CCPG1: variants seen among roughly 807,000 people sequenced by gnomAD.
CCPG1 encodes cell cycle progression protein 1.
A neutral mutation model predicts 81.3 loss-of-function variants in CCPG1; 46 were observed. The ratio of observed to expected loss-of-function variants is 0.57; its 90% CI spans 0.45 to 0.72. The LOEUF (loss-of-function observed/expected upper bound fraction) is 0.72, where lower values mean the gene tolerates loss of function less well. CCPG1 is among the 30% of genes least tolerant of loss of function. CCPG1 has a pLI of 0.00. For synonymous variants in CCPG1, 330 were observed against 305.2 expected, an observed-to-expected ratio of 1.08 and a Z score of -0.85; for missense variants, 902 against 937.6, an observed-to-expected ratio of 0.96 and a Z score of 0.50.
At chr15:55,369,286 A>G (rs980499807) in intron 6 of CCPG1, among the ~76,000 whole-genome samples, 2 of 152,146 alleles carry the variant, frequency 1.3e-5, no homozygotes, top group African/African-American at 4.8e-5. Context: ...CTGTAATCCC[A>G]GCACTTTGGG....
At chr15:55,397,805 T>G (rs1209956795) in intron 1 of CCPG1, among the ~76,000 whole-genome samples, 1 of 152,132 alleles carries the variant, frequency 6.6e-6, no homozygotes, top group African/African-American at 2.4e-5. Flanking sequence ...GGTGAAACCC[T>G]GTCTCTATTA....
At position 55,359,831 on chromosome 15, in the gene CCPG1, C is replaced by T; in HGVS notation, c.1942G>A (p.Val648Met). Residue 648 changes from valine (V) to methionine (M), a missense_variant, in exon 8 of 9, where the codon GTG becomes ATG. Val to Met is a conservative substitution (Grantham distance 21, BLOSUM62 1). Transcript: ENST00000442196. Reference protein sequence around the residue: ...QESMSLFNTVVNPIRMDEFRQ... With the variant: ...QESMSLFNTVMNPIRMDEFRQ... Reference sequence around the variant, plus strand: ...AATTCATCCATCCTTATAGGATTCACCACTGTGTTAAAAAGGCTCATGGAC... The same window carrying T: ...AATTCATCCATCCTTATAGGATTCATCACTGTGTTAAAAAGGCTCATGGAC... 6.2e-7 allele frequency: 1 copy of T among 1,613,446 alleles called. No individual in the cohort carries two copies. Among genetic ancestry groups the T allele is most frequent in the Non-Finnish European group, 8.5e-7 (1 of 1,179,858 alleles).
At chr15:55,358,588 C>T (rs1033725829) in intron 8 of CCPG1, 2 of 985,414 alleles carry the variant, frequency 2.0e-6, no homozygotes, top group Non-Finnish European at 1.2e-6. Flanking sequence ...ATAGCAAATC[C>T]TCATTTCTCT....
chr15:55,363,102 C>T (rs1181822528), intron 7 of CCPG1, among the ~76,000 whole-genome samples: 1 of 151,726 alleles, frequency 6.6e-6, no homozygotes, highest in East Asian at 1.9e-4. Flanking sequence ...AATCCCAGCA[C>T]TTTGGGAGGC....
Position 55,392,961 on chromosome 15 carries a change from G to A in CCPG1, c.-9-3528C>T, listed in dbSNP as rs142829459. On this transcript the variant is annotated intron_variant, in intron 1 of 8. Coordinates refer to ENST00000442196, the MANE Select transcript of CCPG1 (RefSeq NM_001204450.2). The stretch of plus-strand genomic sequence containing the variant: ...CTACTAAAAATACAAAAAATTAGCC[G>A]GGCATGGTGGCAAGCACCTGTAATC... Among the ~76,000 whole-genome samples, 1,203 of 152,176 alleles carry A rather than the reference G, an allele frequency of 7.9e-3. 13 individuals carry two copies. The highest frequency in any genetic ancestry group is 0.024 in the African/African-American group (1,009 of 41,532).
At chr15:55,358,640 C>A in intron 8 of CCPG1, 1 of 985,414 alleles carries the variant, frequency 1.0e-6, no homozygotes, top group Non-Finnish European at 1.2e-6. Context: ...TCAAAGGCCA[C>A]CTCACTCAAG....
At chr15:55,391,561 CTG>C (rs1463240522) in intron 1 of CCPG1, among the ~76,000 whole-genome samples, 2 of 152,094 alleles carry the variant, frequency 1.3e-5, no homozygotes, top group African/African-American at 4.8e-5. Context: ...TACACAAAGA[CTG>C]AGCAATTAAA....
intron 1 of CCPG1, among the ~76,000 whole-genome samples, chr15:55,407,558 T>G (rs949120915): frequency 2.6e-5 from 4 of 152,180 alleles, no homozygotes; most frequent in Admixed American, 6.5e-5. Flanking sequence ...ATAAAATACC[T>G]TACTTGGCGC....
intron 2 of CCPG1, among the ~76,000 whole-genome samples, chr15:55,388,411 C>T (rs1004083142): frequency 6.6e-6 from 1 of 152,152 alleles, no homozygotes; most frequent in Non-Finnish European, 1.5e-5. Context: ...TGATAGGGTT[C>T]TGGCCTTTTC....
At chr15:55,365,484 G>C (rs1595825388) in intron 6 of CCPG1, among the ~76,000 whole-genome samples, 175 bp from the exon 7 acceptor site, 1 of 137,738 alleles carries the variant, frequency 7.3e-6, no homozygotes, top group South Asian at 2.4e-4. Flanking sequence ...AGGCTGGTAT[G>C]ATCTCAGCTC....
chr15:55,391,151 C>A (rs932605331), intron 1 of CCPG1, among the ~76,000 whole-genome samples: 1 of 152,162 alleles, frequency 6.6e-6, no homozygotes, highest in South Asian at 2.1e-4. Context: ...GTGACAGGGT[C>A]CCGTTCTGTC....
intron 8 of CCPG1, 126 bp from the exon 9 acceptor site, chr15:55,356,535 T>C: frequency 7.8e-7 from 1 of 1,282,024 alleles, no homozygotes; most frequent in Non-Finnish European, 1.0e-6. Flanking sequence ...AATATCTGAA[T>C]TACAATCCTA....
At chr15:55,372,333 A>C (rs1213904523) in intron 5 of CCPG1, 1 of 374,502 alleles carries the variant, frequency 2.7e-6, no homozygotes, top group Non-Finnish European at 4.9e-6. Flanking sequence ...TATAGTTTAC[A>C]CTCTTAGAAC....
intron 8 of CCPG1, chr15:55,359,079 T>C (rs986339699): frequency 7.1e-6 from 7 of 984,922 alleles, no homozygotes; most frequent in Admixed American, 6.1e-5. Flanking sequence ...GTACATGGAA[T>C]GGACAAGTGA....
chr15:55,407,215 C>T (rs527405546), intron 1 of CCPG1, among the ~76,000 whole-genome samples: 1 of 126,620 alleles, frequency 7.9e-6, no homozygotes, highest in Non-Finnish European at 1.6e-5. Context: ...GCAACAAGAG[C>T]GAAACCCTCT....
At chr15:55,382,731 G>C (rs192246525) in intron 3 of CCPG1, among the ~76,000 whole-genome samples, 3 of 152,002 alleles carry the variant, frequency 2.0e-5, no homozygotes, top group Middle Eastern at 3.4e-3. Flanking sequence ...GGATGGTCTC[G>C]ATCTCCTGAC....
intron 1 of CCPG1, among the ~76,000 whole-genome samples, chr15:55,400,220 A>G (rs1466574114): frequency 6.7e-6 from 1 of 148,688 alleles, no homozygotes; most frequent in Non-Finnish European, 1.5e-5. Context: ...AAAAAAAAAA[A>G]AAAAAAAAGG....
intron 6 of CCPG1, among the ~76,000 whole-genome samples, chr15:55,370,041 A>G (rs979083835): frequency 6.6e-6 from 1 of 152,196 alleles, no homozygotes; most frequent in African/African-American, 2.4e-5. Flanking sequence ...ATTACAACAA[A>G]TTTCAAGAAA....
intron 1 of CCPG1, among the ~76,000 whole-genome samples, chr15:55,392,935 T>C (rs1283440394): frequency 6.6e-6 from 1 of 152,006 alleles, no homozygotes; most frequent in African/African-American, 2.4e-5. Context: ...AAACCCTGTC[T>C]CTACTAAAAA....
Sources: allele counts gnomAD v4.1 joint callset (sites outside exome capture counted in the v4.1 genomes callset), GRCh38; gene constraint gnomAD v4.1.1; transcripts MANE v1.5; gene names NCBI Gene and HGNC (gene_info 2026-07-23, HGNC 2026-07-21).